MORN5: variants seen among roughly 807,000 people sequenced by gnomAD.
MORN5 encodes MORN repeat-containing protein 5.
Under a neutral mutation model 22.1 loss-of-function variants are expected in MORN5, and 21 were observed. The ratio of observed to expected loss-of-function variants is 0.95; its 90% confidence interval spans 0.67 to 1.37. The LOEUF is 1.37. Among genes scored for constraint, MORN5 ranks in the 40% most tolerant of loss-of-function variants. The pLI is 0.00. For missense variants in MORN5, 211 were observed against 215.1 expected, an observed-to-expected ratio of 0.98 and a Z score of 0.12; for synonymous variants, 73 against 74.0, an observed-to-expected ratio of 0.99 and a Z score of 0.07.
chr9:122,188,023 T>C (rs1026400019), intron 4 of MORN5, among the ~76,000 whole-genome samples: 1 of 151,870 alleles, frequency 6.6e-6, no homozygotes. Context: ...AAAAGGCTTG[T>C]GTGTTGGGGA....
intron 4 of MORN5, among the ~76,000 whole-genome samples, chr9:122,177,450 G>A (rs772565470): frequency 3.3e-5 from 5 of 151,788 alleles, no homozygotes; most frequent in Admixed American, 6.6e-5. Flanking sequence ...TTTTCATTTT[G>A]AGATGGAGTT....
rs775362837 is a variant in MORN5, at chr9:122,169,712, A to T, written c.263A>T (p.Asp88Val). Residue 88 changes from aspartate (D) to valine (V), a missense_variant, in exon 3 of 5, where the codon GAT (aspartate) becomes GTT (valine). Coordinates refer to ENST00000373764, the MANE Select transcript of MORN5 (RefSeq NM_198469.4). ...AACTGGCATTACTGCGACGGCTATG[A>T]TCGGAGGTTTTACACAGAGATCCTC... ...EKNWHYCDGY[D>V]RRFYTEILNG... 1.9e-6 allele frequency: 3 copies of T among 1,614,118 alleles called. No individual in the cohort carries two copies. In the South Asian group the frequency reaches 3.3e-5, roughly 18 times the overall value.
In MORN5 at chr9:122,168,435, T is replaced by C. The variant is rs1289800919; in HGVS notation, c.196-1210T>C. 2.0e-5 allele frequency among the ~76,000 whole-genome samples: 3 copies of C among 152,330 alleles called. No individual in the cohort carries two copies. The East Asian group carries it at 5.8e-4, about 29-fold the overall frequency. ...CCAGGAAAAGCATCTATAGCTTTCA[T>C]CAGTTTCACTAAGAGCATCTTGGGG... On this transcript the variant is annotated intron_variant, in intron 2 of 4. Transcript: ENST00000373764.
intron 2 of MORN5, 106 bp from the exon 3 acceptor site, chr9:122,169,539 C>A (rs1829336590): frequency 1.4e-6 from 1 of 732,838 alleles, no homozygotes; most frequent in African/African-American, 1.7e-5. Flanking sequence ...GTTACCACTT[C>A]TTTACTGCAG....
At chr9:122,170,481 A>G (rs1315922967) in intron 3 of MORN5, among the ~76,000 whole-genome samples, 3 of 152,186 alleles carry the variant, frequency 2.0e-5, no homozygotes, top group African/African-American at 7.2e-5. Context: ...TAAATATTTT[A>G]AAAAGAAAGA....
chr9:122,172,433 C>T (rs1032617399), intron 3 of MORN5, among the ~76,000 whole-genome samples: 3 of 152,054 alleles, frequency 2.0e-5, no homozygotes, highest in Non-Finnish European at 2.9e-5. Context: ...TTTTCTCTCT[C>T]CCCTCTTGCG....
intron 1 of MORN5, among the ~76,000 whole-genome samples, chr9:122,160,733 G>A (rs1368413965): frequency 6.6e-6 from 1 of 151,980 alleles, no homozygotes; most frequent in Non-Finnish European, 1.5e-5. Flanking sequence ...TCCCACCTCA[G>A]CCTCCCAAGT....
At chr9:122,166,979 C>A (rs891097066) in intron 2 of MORN5, 64 bp downstream of exon 2, 10 of 1,504,068 alleles carry the variant, frequency 6.6e-6, no homozygotes, top group Non-Finnish European at 9.0e-6. Context: ...GCCTCACCCT[C>A]TGGCACCCCA....
At chr9:122,198,166 C>T (rs1385783265) in intron 4 of MORN5, among the ~76,000 whole-genome samples, 1 of 152,160 alleles carries the variant, frequency 6.6e-6, no homozygotes, top group Non-Finnish European at 1.5e-5. Context: ...TTACAAAGAT[C>T]CAATGAGACA....
chr9:122,168,365 G>C (rs552360373), intron 2 of MORN5, among the ~76,000 whole-genome samples: 113 of 152,282 alleles, frequency 7.4e-4, no homozygotes, highest in African/African-American at 2.6e-3. Flanking sequence ...GAAACCTCTT[G>C]ATTTATATAC....
chr9:122,167,990 T>C (rs561591166), intron 2 of MORN5, among the ~76,000 whole-genome samples: 1 of 152,322 alleles, frequency 6.6e-6, no homozygotes, highest in South Asian at 2.1e-4. Flanking sequence ...GACCTTACTA[T>C]TTCCCTCTCA....
At chr9:122,195,064 A>G (rs890758186) in intron 4 of MORN5, among the ~76,000 whole-genome samples, 47 of 151,644 alleles carry the variant, frequency 3.1e-4, no homozygotes, top group African/African-American at 1.1e-3. Context: ...AAAAATTGTG[A>G]TCTGAGGGGA....
chr9:122,173,744 T>C (rs1829402124), intron 3 of MORN5, among the ~76,000 whole-genome samples: 1 of 152,222 alleles, frequency 6.6e-6, no homozygotes, highest in Non-Finnish European at 1.5e-5. Context: ...TCCCTGGTCC[T>C]GTGGCTGCAC....
At chr9:122,171,729 T>A (rs1216831186) in intron 3 of MORN5, among the ~76,000 whole-genome samples, 1 of 152,134 alleles carries the variant, frequency 6.6e-6, no homozygotes, top group Non-Finnish European at 1.5e-5. Flanking sequence ...GCCCCCTAAG[T>A]GCAATGGTCC....
At chr9:122,161,306 G>A (rs1489901696) in intron 1 of MORN5, among the ~76,000 whole-genome samples, 2 of 152,166 alleles carry the variant, frequency 1.3e-5, no homozygotes, top group African/African-American at 4.8e-5. Context: ...GAGGGTGGTA[G>A]GAATGCTATG....
rs112031154 is a variant in MORN5, at chr9:122,170,622, T to C, written c.307+866T>C. ...GTCAGCCTTCCTAGTCCCATGTCAC[T>C]CCAGGTTGAGGCTGTGGAGTTCAGA... is the stretch of plus-strand genomic sequence containing the variant. On this transcript the variant is annotated intron_variant, in intron 3 of 4. Coordinates refer to ENST00000373764, the MANE Select transcript of MORN5 (RefSeq NM_198469.4). Among the ~76,000 whole-genome samples, 116 of 152,260 alleles carry C rather than the reference T, an allele frequency of 7.6e-4. 2 individuals are homozygous for C. Among genetic ancestry groups the C allele is most frequent in the African/African-American group, 2.6e-3 (110 of 41,560 alleles).
chr9:122,174,911 T>G, intron 4 of MORN5: 1 of 977,688 alleles, frequency 1.0e-6, no homozygotes, highest in Non-Finnish European at 1.2e-6. Context: ...TTCCTTCGAT[T>G]TTAATGGGCA....
intron 4 of MORN5, among the ~76,000 whole-genome samples, chr9:122,182,288 T>C (rs917226449): frequency 6.6e-6 from 1 of 152,210 alleles, no homozygotes; most frequent in African/African-American, 2.4e-5. Flanking sequence ...TCTCCGCCCA[T>C]CTCAGTCCTC....
intron 4 of MORN5, among the ~76,000 whole-genome samples, chr9:122,177,866 CA>C (rs2118762090): frequency 1.3e-5 from 2 of 152,338 alleles, no homozygotes; most frequent in African/African-American, 4.8e-5. Flanking sequence ...ATGCATCCTT[CA>C]TATTAACACA....
Sources: allele counts gnomAD v4.1 joint callset (sites outside exome capture counted in the v4.1 genomes callset), GRCh38; gene constraint gnomAD v4.1.1; transcripts MANE v1.5; gene names NCBI Gene and HGNC (gene_info 2026-07-23, HGNC 2026-07-21).